KCNH8: variants seen among roughly 807,000 people sequenced by gnomAD.
KCNH8 encodes the protein voltage-gated delayed rectifier potassium channel KCNH8.
In KCNH8, 70 loss-of-function variants were observed where a neutral mutation model predicts 103.6. The ratio of observed to expected loss-of-function variants is 0.68; its 90% CI spans 0.56 to 0.82. The LOEUF (loss-of-function observed/expected upper bound fraction) is 0.82, where lower values mean the gene tolerates loss of function less well. Ranked by LOEUF, KCNH8 falls within the 40% of genes least tolerant of loss-of-function variation. The pLI, the probability that KCNH8 is intolerant of heterozygous loss-of-function variation, is 0.00. For synonymous variants in KCNH8, 498 were observed against 489.4 expected (o/e 1.02, Z -0.23); for missense variants, 1,217 against 1,329.9 (o/e 0.92, Z 1.32).
chr3:19,521,569 A>C (rs1239324997), intron 15 of KCNH8, among the ~76,000 whole-genome samples: 2 of 151,920 alleles, frequency 1.3e-5, no homozygotes, highest in Non-Finnish European at 2.9e-5. Context: ...CAGTAGAGTA[A>C]TAAGTGAGAG....
chr3:19,318,797 T>C (rs1416409396), intron 3 of KCNH8, among the ~76,000 whole-genome samples: 1 of 151,628 alleles, frequency 6.6e-6, no homozygotes, highest in African/African-American at 2.4e-5. Context: ...CCTTTTCACC[T>C]CATCTATGCC....
intron 11 of KCNH8, among the ~76,000 whole-genome samples, chr3:19,468,831 C>T (rs1421371740): frequency 6.6e-6 from 1 of 152,170 alleles, no homozygotes. Context: ...ACAAGCCTGA[C>T]TAGATCTTTC....
chr3:19,279,969 T>C (rs562999914), intron 2 of KCNH8, among the ~76,000 whole-genome samples: 2 of 152,226 alleles, frequency 1.3e-5, no homozygotes, highest in African/African-American at 4.8e-5. Flanking sequence ...ATTCACAGTA[T>C]TGAAGTCTTT....
chr3:19,495,647 A>C (rs1481584661), intron 11 of KCNH8, among the ~76,000 whole-genome samples: 1 of 152,038 alleles, frequency 6.6e-6, no homozygotes, highest in African/African-American at 2.4e-5. Context: ...ATGATACCTC[A>C]GCTTTGTCTT....
At chr3:19,484,942 TAGA>T (rs1400539101) in intron 11 of KCNH8, among the ~76,000 whole-genome samples, 1 of 152,210 alleles carries the variant, frequency 6.6e-6, no homozygotes, top group East Asian at 1.9e-4. Flanking sequence ...TCTGTTTTCT[TAGA>T]AGGAGTGCAT....
At chr3:19,199,430 T>C (rs1242259148) in intron 1 of KCNH8, among the ~76,000 whole-genome samples, 2 of 152,002 alleles carry the variant, frequency 1.3e-5, no homozygotes, top group African/African-American at 4.8e-5. Flanking sequence ...TTTGTAAATA[T>C]GTATTTCATC....
At chr3:19,423,100 A>T (rs1203451466) in intron 7 of KCNH8, among the ~76,000 whole-genome samples, 1 of 152,068 alleles carries the variant, frequency 6.6e-6, no homozygotes, top group Non-Finnish European at 1.5e-5. Flanking sequence ...CAGCAACCTG[A>T]AATCTTGAGT....
chr3:19,512,368 C>G lies in KCNH8; in HGVS notation c.2080-602C>G, dbSNP rs369990529. On this transcript the variant is annotated intron_variant, in intron 12 of 15. Transcript: ENST00000328405. ...CTTTTCCAAGGCTTTTCAAAGGAAG[C>G]AGACCAGGTGGTTTGCTTCTTTTCT... is the stretch of plus-strand genomic sequence containing the variant. Among the ~76,000 whole-genome samples the G allele has an allele frequency of 5.3e-5, 8 of 152,246 alleles. 1 individual carries two copies. Among genetic ancestry groups the G allele is most frequent in the African/African-American group, 1.9e-4 (8 of 41,542 alleles).
chr3:19,209,803 A>G (rs1288866339), intron 1 of KCNH8, among the ~76,000 whole-genome samples: 1 of 152,116 alleles, frequency 6.6e-6, no homozygotes, highest in African/African-American at 2.4e-5. Flanking sequence ...GACAGGATTC[A>G]GGTGCTTTTT....
chr3:19,326,205 A>G (rs537113227), intron 3 of KCNH8, among the ~76,000 whole-genome samples: 1 of 151,962 alleles, frequency 6.6e-6, no homozygotes, highest in African/African-American at 2.4e-5. Flanking sequence ...ATGGGAGGAG[A>G]GAGAAGATCC....
At position 19,390,486 on chromosome 3, in the gene KCNH8, AT is replaced by A; in HGVS notation, c.821del (p.Leu274Ter). On this transcript the variant is annotated frameshift_variant, in exon 6 of 16. Coordinates refer to ENST00000328405, the MANE Select transcript of KCNH8 (RefSeq NM_144633.3). LOFTEE classifies it high-confidence loss of function. ...ACCTTTTTTTTCCCAAGCAGATATT[AT>A]TTTAAATTTCCGAACAACTTATGTC... is the stretch of plus-strand genomic sequence containing the variant. ...AVEILFIIDI[I>X]LNFRTTYVSK... is the part of the protein sequence containing the mutation. 6.2e-7 allele frequency: 1 copy of A among 1,607,334 alleles called. No homozygotes were observed. Among genetic ancestry groups the A allele is most frequent in the African/African-American group, 1.3e-5 (1 of 74,244 alleles).
chr3:19,242,538 G>C (rs2064155427), intron 1 of KCNH8, among the ~76,000 whole-genome samples: 1 of 152,050 alleles, frequency 6.6e-6, no homozygotes, highest in Non-Finnish European at 1.5e-5. Flanking sequence ...AAGATCAAAG[G>C]GGTTATTATT....
At chr3:19,244,602 C>T (rs1484302873) in intron 1 of KCNH8, among the ~76,000 whole-genome samples, 4 of 152,166 alleles carry the variant, frequency 2.6e-5, no homozygotes, top group African/African-American at 4.8e-5. Flanking sequence ...TATAAGCATT[C>T]CCTTTTCTTC....
At chr3:19,201,231 CAAAAAAAAA>C (rs1170312203) in intron 1 of KCNH8, among the ~76,000 whole-genome samples, 65 of 22,064 alleles carry the variant, frequency 2.9e-3, no homozygotes, top group South Asian at 0.015. Context: ...GACTCTGCCT[CAAAAAAAAA>C]AAAAAAAAAA....
chr3:19,283,481 T>A (rs1173969228), intron 3 of KCNH8, among the ~76,000 whole-genome samples: 2 of 152,174 alleles, frequency 1.3e-5, no homozygotes, highest in Non-Finnish European at 1.5e-5. Context: ...AGTAAGTCCC[T>A]AGATATATTT....
At chr3:19,286,951 A>G (rs2064840447) in intron 3 of KCNH8, among the ~76,000 whole-genome samples, 1 of 152,180 alleles carries the variant, frequency 6.6e-6, no homozygotes, top group African/African-American at 2.4e-5. Flanking sequence ...AAGAGAAATA[A>G]GTTTCTGAGG....
chr3:19,406,804 G>A (rs2066698287), intron 7 of KCNH8, among the ~76,000 whole-genome samples: 1 of 152,062 alleles, frequency 6.6e-6, no homozygotes, highest in Admixed American at 6.6e-5. Context: ...ATAATGTAGT[G>A]GGGAGAACAT....
At chr3:19,309,727 T>G (rs566038251) in intron 3 of KCNH8, among the ~76,000 whole-genome samples, 24 of 151,984 alleles carry the variant, frequency 1.6e-4, no homozygotes, top group African/African-American at 5.8e-4. Context: ...AGGAAAACAT[T>G]TAGATAGATA....
intron 7 of KCNH8, among the ~76,000 whole-genome samples, chr3:19,403,023 C>T (rs1440754126): frequency 6.6e-6 from 1 of 151,834 alleles, no homozygotes; most frequent in African/African-American, 2.4e-5. Context: ...TACCCAAATA[C>T]TGAAGTCCCT....
Sources: gnomAD v4.1 joint callset for allele counts (sites outside exome capture counted in the v4.1 genomes callset) on GRCh38, gnomAD v4.1.1 for gene constraint, MANE v1.5 for transcripts, NCBI Gene and HGNC (gene_info 2026-07-23, HGNC 2026-07-21) for gene names.